SYTL2: variants seen among roughly 807,000 people sequenced by gnomAD.
SYTL2 encodes the protein synaptotagmin-like protein 2.
Under a neutral mutation model 198.7 loss-of-function variants are expected in SYTL2, and 165 were observed. That is an observed-to-expected ratio of 0.83 (90% CI 0.73 to 0.94). The LOEUF is 0.94. Ranked by LOEUF, SYTL2 falls within the 40% of genes least tolerant of loss-of-function variation. SYTL2 has a pLI of 0.00. For synonymous variants in SYTL2, 966 were observed against 917.7 expected (o/e 1.05, Z -0.95); for missense variants, 2,835 against 2,582.8 (o/e 1.10, Z -2.12).
chr11:85,761,260 A>G (rs2092088237), intron 1 of SYTL2, among the ~76,000 whole-genome samples: 1 of 152,252 alleles, frequency 6.6e-6, no homozygotes, highest in South Asian at 2.1e-4. Flanking sequence ...AGGGAGGAGA[A>G]TAATAACTCA....
chr11:85,789,267 ATG>A (rs569747307), intron 1 of SYTL2, among the ~76,000 whole-genome samples: 10 of 128,484 alleles, frequency 7.8e-5, no homozygotes, highest in Middle Eastern at 3.8e-3. Flanking sequence ...TGGCTGATGT[ATG>A]TGTGTGTGTG....
At chr11:85,797,359 G>A (rs1005938793) in intron 1 of SYTL2, among the ~76,000 whole-genome samples, 2 of 152,144 alleles carry the variant, frequency 1.3e-5, no homozygotes, top group East Asian at 1.9e-4. Context: ...CAGGAGCAGT[G>A]GCTCACACCT....
At position 85,753,461 on chromosome 11, in the gene SYTL2, G is replaced by A. The variant is rs577343469; in HGVS notation, c.101+4164C>T. Among the ~76,000 whole-genome samples, 23 of 152,188 alleles carry A rather than the reference G, an allele frequency of 1.5e-4. 1 individual carries two copies. The South Asian group carries it at 4.2e-3, about 28-fold the overall frequency. ...GTGATCTGGAACCGTTATTGTCTCA[G>A]CTGTACCCCAGAGACACCCCAGTGA... On this transcript the variant is annotated intron_variant, in intron 2 of 19. Transcript: ENST00000359152.
chr11:85,766,318 C>T (rs1398734550), intron 1 of SYTL2, among the ~76,000 whole-genome samples: 1 of 152,030 alleles, frequency 6.6e-6, no homozygotes, highest in African/African-American at 2.4e-5. Flanking sequence ...GAAAGAAAAA[C>T]AGTAAAGAAA....
intron 2 of SYTL2, among the ~76,000 whole-genome samples, chr11:85,756,387 C>T (rs746405807): frequency 2.4e-4 from 36 of 152,316 alleles, no homozygotes; most frequent in Non-Finnish European, 4.6e-4. Flanking sequence ...CACACCATGA[C>T]AGCCAGCCCC....
At chr11:85,739,253 CTTTTTTTTT>C (rs34147924) in intron 4 of SYTL2, among the ~76,000 whole-genome samples, 2 of 124,472 alleles carry the variant, frequency 1.6e-5, no homozygotes, top group East Asian at 2.3e-4. Flanking sequence ...AGGAGGCTGG[CTTTTTTTTT>C]TTTTTTTTTT....
chr11:85,727,155 T>C lies in SYTL2; in HGVS notation c.2203A>G (p.Ser735Gly). 2 of 1,536,464 alleles carry C rather than the reference T, an allele frequency of 1.3e-6. No individual in the cohort carries two copies. ...LKDNMNAERKSKVGNTYILKA... is the reference protein window; with the variant it reads ...LKDNMNAERKGKVGNTYILKA... ...AGGATATAGGTATTTCCTACTTTGC[T>C]CTTTCTCTCTGCATTCATGTTATCT... is the stretch of plus-strand genomic sequence containing the variant. The change falls in exon 8 of 20, where the codon AGC (serine) becomes GGC (glycine). Residue 735 changes from serine (S) to glycine (G), a missense_variant. Around this residue, in one of 3 missense-constraint regions of SYTL2, gnomAD observed 2,645 missense variants for 2,381.7 expected, o/e 1.11. Transcript: ENST00000359152.
At chr11:85,776,409 C>G (rs558126193) in intron 1 of SYTL2, among the ~76,000 whole-genome samples, 1 of 152,180 alleles carries the variant, frequency 6.6e-6, no homozygotes, top group African/African-American at 2.4e-5. Context: ...AGCCTCCCAC[C>G]GCGCAACAGG....
rs1236747969 is a variant in SYTL2 at position 85,745,649 on chromosome 11, G to A, written c.377C>T (p.Pro126Leu). Residue 126 changes from proline to leucine, a missense_variant, in exon 4 of 20, where the codon CCA becomes CTA. Coordinates refer to ENST00000359152, the MANE Select transcript of SYTL2 (RefSeq NM_206927.4). ...VVEEPEEDAAPASPSSSVVNP... is the reference protein window; with the variant it reads ...VVEEPEEDAALASPSSSVVNP... ...AGCTTTGCCTTACCTCGGGCTTGCT[G>A]GTGCTGCATCTTCTTCTGGCTCTTC... The A allele has an allele frequency of 1.2e-6, 2 of 1,612,640 alleles. No individual in the cohort carries two copies. The highest frequency in any genetic ancestry group is 3.3e-5 in the Admixed American group (2 of 59,972).
chr11:85,698,101 A>C, intron 17 of SYTL2, 23 bp from the exon 18 acceptor site: 5 of 1,533,224 alleles, frequency 3.3e-6, no homozygotes, highest in East Asian at 2.2e-5. Context: ...AAGAAGAGAA[A>C]ATTTTCACTG....
chr11:85,854,649 C>T, the SYTL2 span: 98 of 152,352 alleles, frequency 6.4e-4, no homozygotes, highest in African/African-American at 2.2e-3. Context: ...AGACAAGCCG[C>T]CATTGTGGAA....
At chr11:85,810,640 C>A (rs1261097933) in intron 1 of SYTL2, among the ~76,000 whole-genome samples, 1 of 152,174 alleles carries the variant, frequency 6.6e-6, no homozygotes, top group Admixed American at 6.5e-5. Flanking sequence ...AGCACCCAGC[C>A]CCAAGCCCAG....
At chr11:85,796,222 T>C in intron 1 of SYTL2, among the ~76,000 whole-genome samples, 1 of 152,228 alleles carries the variant, frequency 6.6e-6, no homozygotes, top group East Asian at 1.9e-4. Flanking sequence ...TCTCCAAGTC[T>C]AATTTTTCTT....
intron 1 of SYTL2, among the ~76,000 whole-genome samples, chr11:85,792,399 A>C (rs998109323): frequency 5.3e-5 from 8 of 152,070 alleles, no homozygotes; most frequent in African/African-American, 1.7e-4. Flanking sequence ...TTCTCTCTTA[A>C]CTTGTAGATT....
intron 11 of SYTL2, among the ~76,000 whole-genome samples, chr11:85,715,593 A>C (rs2087073986): frequency 6.6e-6 from 1 of 152,182 alleles, no homozygotes; most frequent in Non-Finnish European, 1.5e-5. Flanking sequence ...AATGAAGGAA[A>C]AACTAAAAAT....
chr11:85,776,387 T>C (rs1280256428), intron 1 of SYTL2, among the ~76,000 whole-genome samples: 2 of 152,204 alleles, frequency 1.3e-5, no homozygotes, highest in African/African-American at 4.8e-5. Context: ...CTCCTAATGT[T>C]ATCCCTCCCC....
At position 85,725,519 on chromosome 11, in the gene SYTL2, G is replaced by C. The variant is rs751698356; in HGVS notation, c.3839C>G (p.Thr1280Arg). ...FPVRDETFGN[T>R]ALLKKAESGE... ...ACTTTCAGCTTTCTTGAGGAGAGCT[G>C]TATTTCCAAAAGTTTCATCTCTCAC... Residue 1280 changes from threonine to arginine, a missense_variant, in exon 8 of 20, where the codon ACA becomes AGA. Around this residue, in one of 3 missense-constraint regions of SYTL2, gnomAD observed 2,645 missense variants for 2,381.7 expected, o/e 1.11. Transcript: ENST00000359152. The C allele has an allele frequency of 1.9e-6, 3 of 1,613,932 alleles. No homozygotes were observed. In the South Asian group the frequency reaches 3.3e-5, roughly 18 times the overall value.
At chr11:85,772,290 T>C (rs2092370600) in intron 1 of SYTL2, among the ~76,000 whole-genome samples, 1 of 152,244 alleles carries the variant, frequency 6.6e-6, no homozygotes, top group South Asian at 2.1e-4. Context: ...AAATGAAGAA[T>C]GCTTTTACTT....
chr11:85,810,074 A>G (rs10898414), intron 1 of SYTL2, among the ~76,000 whole-genome samples: 87,132 of 151,962 alleles, frequency 0.57, 25,391 homozygotes, highest in African/African-American at 0.66. Flanking sequence ...TCCAGGGTCT[A>G]TCTGTCTGAA....
Sources: allele counts gnomAD v4.1 joint callset (sites outside exome capture counted in the v4.1 genomes callset), GRCh38; gene constraint gnomAD v4.1.1; regional missense constraint gnomAD v4.1.1; transcripts MANE v1.5; gene names NCBI Gene and HGNC (gene_info 2026-07-23, HGNC 2026-07-21).